TGDS: variants seen among roughly 807,000 people sequenced by gnomAD.
The protein encoded by TGDS is UDP-D-glucose 4,6-dehydratase.
Under a neutral mutation model 52.3 loss-of-function variants are expected in TGDS, and 47 were observed. The ratio of observed to expected loss-of-function variants is 0.90; its 90% CI spans 0.71 to 1.15. The LOEUF (loss-of-function observed/expected upper bound fraction) is 1.15. Among genes scored for constraint, TGDS ranks in the 50% most tolerant of loss-of-function variants. TGDS has a pLI of 0.00. For missense variants in TGDS, 375 were observed against 418.4 expected (o/e 0.90, Z 0.90); for synonymous variants, 115 against 136.9 (o/e 0.84, Z 1.12).
intron 4 of TGDS, 88 bp from the exon 5 acceptor site, chr13:94,583,324 T>C (rs895949804): frequency 6.0e-6 from 8 of 1,339,912 alleles, no homozygotes; most frequent in Non-Finnish European, 8.0e-6. Context: ...AGGAGAGTAC[T>C]AGTCACTGTT....
intron 2 of TGDS, among the ~76,000 whole-genome samples, chr13:94,592,717 G>A (rs779275338): frequency 5.3e-5 from 8 of 152,126 alleles, no homozygotes; most frequent in Non-Finnish European, 1.2e-4. Context: ...GCCTCCCAAA[G>A]TGCTGGGATT....
chr13:94,592,554 G>A (rs989032469), intron 2 of TGDS, among the ~76,000 whole-genome samples: 9 of 152,060 alleles, frequency 5.9e-5, no homozygotes, highest in Admixed American at 2.0e-4. Flanking sequence ...CCAGGTTCAC[G>A]CCATTCTCCT....
At chr13:94,575,205 A>G (rs942703271) in intron 11 of TGDS, among the ~76,000 whole-genome samples, 1 of 152,012 alleles carries the variant, frequency 6.6e-6, no homozygotes, top group Non-Finnish European at 1.5e-5. Context: ...TTTTATATAA[A>G]AAAGTATAAT....
At chr13:94,576,522 C>G in intron 10 of TGDS, 111 bp from the exon 11 acceptor site, 1 of 564,242 alleles carries the variant, frequency 1.8e-6, no homozygotes, top group Non-Finnish European at 2.7e-6. Context: ...TTTCTCTTTA[C>G]AAAAATTCCC....
At position 94,585,799 on chromosome 13, in the gene TGDS, C is replaced by CAA. The variant is rs371365630; in HGVS notation, c.314-2565_314-2564dup. Among the ~76,000 whole-genome samples the CAA allele has an allele frequency of 9.5e-5, 11 of 116,314 alleles. No individual in the cohort carries two copies. The East Asian group carries it at 2.0e-3, about 21-fold the overall frequency. The allele number at this position is 116,314 out of a possible 152,430, so 76.3% of individuals were successfully genotyped here. The stretch of plus-strand genomic sequence containing the variant: ...TAGGTGACAGAACAAGACTCTGTCT[C>CAA]AAAAAAAAAAAAAAAAAAATCCAGA... On this transcript the variant is annotated intron_variant, in intron 4 of 11. Transcript: ENST00000261296.
chr13:94,580,138 A>T (rs1362738684), intron 6 of TGDS, among the ~76,000 whole-genome samples, 185 bp from the exon 7 acceptor site: 2 of 152,198 alleles, frequency 1.3e-5, no homozygotes, highest in African/African-American at 2.4e-5. Context: ...ATTCAGATAA[A>T]GGCAGAGGTT....
chr13:94,594,315 A>C (rs1375434836), intron 1 of TGDS, among the ~76,000 whole-genome samples: 1 of 152,236 alleles, frequency 6.6e-6, no homozygotes, highest in Non-Finnish European at 1.5e-5. Context: ...AAATGAAATT[A>C]CTATGAGTAT....
intron 10 of TGDS, 145 bp downstream of exon 10, chr13:94,577,226 T>C: frequency 1.9e-6 from 1 of 532,078 alleles, no homozygotes. Context: ...ACTTAATTTG[T>C]ATGGTACTTA....
At chr13:94,588,767 GACTTGC>G (rs1451015593) in intron 4 of TGDS, among the ~76,000 whole-genome samples, 1 of 152,126 alleles carries the variant, frequency 6.6e-6, no homozygotes, top group Non-Finnish European at 1.5e-5. Context: ...CAAGTAGAAG[GACTTGC>G]TTTAACAGAC....
chr13:94,585,673 G>A (rs531599337), intron 4 of TGDS, among the ~76,000 whole-genome samples: 1 of 151,962 alleles, frequency 6.6e-6, no homozygotes, highest in South Asian at 2.1e-4. Flanking sequence ...GGTGGCACAC[G>A]CCTGTAATCC....
intron 7 of TGDS, among the ~76,000 whole-genome samples, chr13:94,579,086 A>G (rs1247401920): frequency 1.3e-5 from 2 of 152,226 alleles, no homozygotes; most frequent in African/African-American, 4.8e-5. Flanking sequence ...AGATATTTGT[A>G]TCTTACTTAT....
chr13:94,579,831 T>C (rs758745125), intron 7 of TGDS, 63 bp downstream of exon 7: 29 of 909,802 alleles, frequency 3.2e-5, no homozygotes, highest in Non-Finnish European at 5.1e-5. Context: ...GAAAAGAGGT[T>C]ATTTCAAACA....
rs755643462 is a variant in TGDS, at chr13:94,579,906, T to C, written c.603A>G (p.Gln201=). 8.1e-6 allele frequency: 13 copies of C among 1,596,622 alleles called. No homozygotes were observed. The highest frequency in any genetic ancestry group is 1.7e-5 in the Admixed American group (1 of 59,178). The change falls in exon 7 of 12, where the codon CAA becomes CAG. Residue 201 remains glutamine, a synonymous_variant. Coordinates refer to ENST00000261296, the MANE Select transcript of TGDS (RefSeq NM_014305.4). Reference sequence around the variant, plus strand: ...AAGTAAAATTTACCTTTTCTGGATATTGATGTGGTCCATAAACATTACTGC... The same window carrying C: ...AAGTAAAATTTACCTTTTCTGGATACTGATGTGGTCCATAAACATTACTGC... ...TRSSNVYGPH[Q]YPEKVIPKFI... is the part of the protein sequence containing the mutation.
At chr13:94,582,172 T>C (rs1442853289) in intron 5 of TGDS, among the ~76,000 whole-genome samples, 2 of 149,948 alleles carry the variant, frequency 1.3e-5, no homozygotes, top group Non-Finnish European at 3.0e-5. Context: ...CACTCCAGGC[T>C]GGGCAATAAG....
chr13:94,579,786 T>C (rs1888722108), intron 7 of TGDS, 108 bp downstream of exon 7: 4 of 633,964 alleles, frequency 6.3e-6, no homozygotes, highest in South Asian at 4.7e-5. Context: ...TAAAATTATG[T>C]ATAATTTACA....
chr13:94,592,152 C>T, intron 3 of TGDS, 89 bp downstream of exon 3: 5 of 944,990 alleles, frequency 5.3e-6, no homozygotes, highest in Non-Finnish European at 7.7e-6. Flanking sequence ...CTTTTCAAGC[C>T]CACATTACAC....
chr13:94,591,083 C>T, intron 3 of TGDS, 140 bp from the exon 4 acceptor site: 1 of 608,862 alleles, frequency 1.6e-6, no homozygotes. Flanking sequence ...AGTGCTCAAA[C>T]AAGGATACCA....
At chr13:94,592,373 C>G (rs1455909393) in intron 2 of TGDS, 64 bp from the exon 3 acceptor site, 1 of 1,295,056 alleles carries the variant, frequency 7.7e-7, no homozygotes, top group African/African-American at 1.5e-5. Flanking sequence ...CAATCAAATA[C>G]CAATTTATTT....
intron 6 of TGDS, 152 bp from the exon 7 acceptor site, chr13:94,580,105 G>A (rs1051601196): frequency 1.9e-6 from 1 of 529,584 alleles, no homozygotes; most frequent in Non-Finnish European, 3.3e-6. Context: ...CTAACGTAAG[G>A]TTTCTAAAAA....
Sources: gnomAD v4.1 joint callset for allele counts (sites outside exome capture counted in the v4.1 genomes callset) on GRCh38, gnomAD v4.1.1 for gene constraint, MANE v1.5 for transcripts, NCBI Gene and HGNC (gene_info 2026-07-23, HGNC 2026-07-21) for gene names.